Variants in CDH23 observed in about 807,000 individuals in gnomAD.
CDH23 encodes cadherin related 23.
In CDH23, 189 loss-of-function variants were observed where a neutral mutation model predicts 317.1. That is an observed-to-expected ratio of 0.60 (90% CI 0.53 to 0.67). The LOEUF is 0.67. Ranked by LOEUF, CDH23 falls within the 30% of genes least tolerant of loss-of-function variation. The pLI is 0.00. For missense variants in CDH23, 4,401 were observed against 4,592.4 expected (o/e 0.96, Z 1.20); for synonymous variants, 1,839 against 1,876.8 (o/e 0.98, Z 0.52).
intron 9 of CDH23, among the ~76,000 whole-genome samples, chr10:71,614,273 C>A (rs760652569): frequency 3.9e-5 from 6 of 152,244 alleles, no homozygotes; most frequent in Non-Finnish European, 7.3e-5. Context: ...GCATGCCCAA[C>A]AATGCCCAGC....
Position 71,740,873 on chromosome 10 carries a change from C to T in CDH23, c.4540C>T (p.Gln1514Ter), listed in dbSNP as rs2132846220. The T allele has an allele frequency of 6.2e-7, 1 of 1,613,918 alleles. No homozygotes were observed. Among genetic ancestry groups the T allele is most frequent in the Non-Finnish European group, 8.5e-7 (1 of 1,179,868 alleles). The change falls in exon 37 of 70, where the codon CAG (glutamine) becomes TAG (stop). Residue 1514 changes from glutamine to a stop codon, truncating the protein, a stop_gained. Transcript: ENST00000224721. LOFTEE classifies it high-confidence loss of function. ...TCCACGGAAGAAGGACCACATCCTG[C>T]AGGTGACCATCCTGGACATCAATGA... ...TPPRKKDHILQVTILDINDNP... is the reference protein window; with the variant it reads ...TPPRKKDHIL
At chr10:71,544,376 C>G (rs1416621591) in intron 6 of CDH23, among the ~76,000 whole-genome samples, 3 of 152,158 alleles carry the variant, frequency 2.0e-5, no homozygotes, top group Non-Finnish European at 4.4e-5. Flanking sequence ...GCCTAATCAG[C>G]TCTAGCAGAA....
At chr10:71,709,274 C>A in intron 27 of CDH23, 63 bp downstream of exon 27, 1 of 1,464,482 alleles carries the variant, frequency 6.8e-7, no homozygotes, top group Non-Finnish European at 9.5e-7. Flanking sequence ...AGGGTGCCTC[C>A]CAGGAGCTGG....
At chr10:71,732,794 A>AGT (rs1284039539) in intron 32 of CDH23, 1 of 860,596 alleles carries the variant, frequency 1.2e-6, no homozygotes. Context: ...TGGTCATCGA[A>AGT]GTGTGTGTGG....
Position 71,602,969 on chromosome 10 carries a change from T to C in CDH23, c.833-12535T>C, listed in dbSNP as rs966716181. Among the ~76,000 whole-genome samples the C allele has an allele frequency of 2.6e-4, 39 of 152,240 alleles. 1 individual carries two copies. Among genetic ancestry groups the C allele is most frequent in the Non-Finnish European group, 4.9e-4 (33 of 68,034 alleles). ...TCTCCAGTCGGCTTCCTCATACATG[T>C]GCCTTGTCCTTCCCCGAAGATGACC... On this transcript the variant is annotated intron_variant, in intron 9 of 69. Coordinates refer to ENST00000224721, the MANE Select transcript of CDH23 (RefSeq NM_022124.6).
rs1840001810 is a variant in CDH23 at position 71,751,520 on chromosome 10, A to G, written c.4845+9599A>G. ...GCCGTGGAACTCTTCAGGGAGGTGA[A>G]TGGGGGCCCCTCTGTCCCTCACCCT... On this transcript the variant is annotated intron_variant, in intron 38 of 69. Coordinates refer to ENST00000224721, the MANE Select transcript of CDH23 (RefSeq NM_022124.6). This position sits in a 1 kb window ranked among gnomAD's most constrained non-coding sequence, Gnocchi z 4.9. 5.5e-6 allele frequency: 3 copies of G among 540,708 alleles called. No homozygotes were observed. Among genetic ancestry groups the G allele is most frequent in the Admixed American group, 7.0e-5 (2 of 28,776 alleles). 33.5% of individuals were successfully genotyped at this position (540,708 alleles called of 1,614,324 possible). A position where few individuals can be genotyped will look rare whatever the true frequency, so the allele number is the denominator to read the frequency against.
chr10:71,474,896 C>T (rs1796929496), intron 3 of CDH23, among the ~76,000 whole-genome samples: 1 of 152,238 alleles, frequency 6.6e-6, no homozygotes, highest in South Asian at 2.1e-4. Context: ...TTACTTCTTT[C>T]TGAGCCTTAG....
intron 17 of CDH23, among the ~76,000 whole-genome samples, chr10:71,681,153 T>C (rs2132679029): frequency 6.6e-6 from 1 of 152,102 alleles, no homozygotes; most frequent in Admixed American, 6.5e-5. Flanking sequence ...AACTTAAAAG[T>C]TCCATGCTTC....
rs1227061 is a variant in CDH23 at position 71,734,472 on chromosome 10, T to C, written c.4206+131T>C. ...GGCGAGGGTCTTGATAGCCTGAGGC[T>C]TCGCCATGTCCAGCCATGCCACACC... On this transcript the variant is annotated intron_variant, in intron 33 of 69. Transcript: ENST00000224721. The C allele has an allele frequency of 0.8, 1,207,315 of 1,504,544 alleles. 485,342 individuals are homozygous for C. The highest frequency in any genetic ancestry group is 0.83 in the East Asian group (34,639 of 41,696). 93.2% of individuals were successfully genotyped at this position (1,504,544 alleles called of 1,614,324 possible). A position where few individuals can be genotyped will look rare whatever the true frequency, so the allele number is the denominator to read the frequency against.
intron 26 of CDH23, among the ~76,000 whole-genome samples, chr10:71,707,837 A>G (rs1236724142): frequency 1.3e-5 from 2 of 152,094 alleles, no homozygotes; most frequent in Non-Finnish European, 2.9e-5. Context: ...GTGCCTGTAC[A>G]CACGAGCAGG....
intron 49 of CDH23, among the ~76,000 whole-genome samples, chr10:71,797,788 G>T (rs1215852878): frequency 6.6e-6 from 1 of 151,884 alleles, no homozygotes; most frequent in South Asian, 2.1e-4. Context: ...GGAGGGGGCT[G>T]CCAGAGGGGT....
intron 11 of CDH23, among the ~76,000 whole-genome samples, chr10:71,628,829 C>G (rs79132891): frequency 5.4e-4 from 82 of 152,354 alleles, no homozygotes; most frequent in Non-Finnish European, 8.8e-4. Flanking sequence ...GAAGTTGTCA[C>G]AGGTTTACAT....
intron 28 of CDH23, among the ~76,000 whole-genome samples, chr10:71,722,277 C>T (rs1285038784): frequency 6.6e-6 from 1 of 151,780 alleles, no homozygotes; most frequent in African/African-American, 2.4e-5. Context: ...CCTGTCTCTA[C>T]AAAAAAAATA....
intron 68 of CDH23, 34 bp downstream of exon 68, chr10:71,812,924 C>CT (rs761267929): frequency 4.8e-5 from 77 of 1,609,134 alleles, no homozygotes; most frequent in Non-Finnish European, 6.4e-5. Context: ...CGCCCAGTCC[C>CT]TTGGCTGAGG....
chr10:71,484,164 C>G (rs532160622), intron 3 of CDH23, among the ~76,000 whole-genome samples: 3 of 152,284 alleles, frequency 2.0e-5, no homozygotes, highest in African/African-American at 7.2e-5. Context: ...ACAGTCGAGC[C>G]GCTCTTAAAT....
chr10:71,777,529 C>T (rs935557171), intron 38 of CDH23, 151 bp from the exon 39 acceptor site: 3 of 683,172 alleles, frequency 4.4e-6, no homozygotes, highest in Non-Finnish European at 7.5e-6. Context: ...CTTTCTCTCT[C>T]TACCAGCCTG....
Position 71,566,830 on chromosome 10 carries a change from C to A in CDH23, c.518C>A (p.Pro173His). 3 of 1,613,982 alleles carry A rather than the reference C, an allele frequency of 1.9e-6. No homozygotes were observed. Among genetic ancestry groups the A allele is most frequent in the Non-Finnish European group, 2.5e-6 (3 of 1,179,882 alleles). Residue 173 changes from proline to histidine, a missense_variant, in exon 7 of 70, where the codon CCC (proline) becomes CAC (histidine). By Grantham distance (77) the Pro-to-His change is moderately conservative (BLOSUM62 -2). Around this residue, in one of 3 missense-constraint regions of CDH23, gnomAD observed 3,068 missense variants for 3,203.3 expected, o/e 0.96. Coordinates refer to ENST00000224721, the MANE Select transcript of CDH23 (RefSeq NM_022124.6). ...GGCAGCGTCCTCTACTCCTTCCAGCCCCCCTCCCAATTCTTCGCCATTGAC... is the reference window on the plus strand; with the variant it reads ...GGCAGCGTCCTCTACTCCTTCCAGCACCCCTCCCAATTCTTCGCCATTGAC... ...AGGSVLYSFQPPSQFFAIDSA... is the reference protein window; with the variant it reads ...AGGSVLYSFQHPSQFFAIDSA...
intron 3 of CDH23, among the ~76,000 whole-genome samples, chr10:71,483,885 TC>T (rs1382780045): frequency 4.6e-5 from 7 of 152,018 alleles, no homozygotes; most frequent in Non-Finnish European, 7.4e-5. Context: ...ATGTTCACTC[TC>T]CCCCCACACA....
At chr10:71,805,782 C>A (rs778750527) in intron 55 of CDH23, 24 bp from the exon 56 acceptor site, 2 of 1,598,612 alleles carry the variant, frequency 1.3e-6, no homozygotes, top group African/African-American at 1.3e-5. Context: ...GGTCCAGGAG[C>A]CTTCCTCCCC....
Sources: gnomAD v4.1 joint callset for allele counts (sites outside exome capture counted in the v4.1 genomes callset) on GRCh38, gnomAD v4.1.1 for gene constraint, gnomAD v4.1.1 regional missense constraint, Gnocchi (gnomAD v3.1) non-coding constraint, MANE v1.5 for transcripts, NCBI Gene and HGNC (gene_info 2026-07-23, HGNC 2026-07-21) for gene names.